The following AP3B2 variants were observed in gnomAD, a reference collection of about 807,000 sequenced individuals.
The protein encoded by AP3B2 is adaptor related protein complex 3 subunit beta 2.
A neutral mutation model predicts 126.9 loss-of-function variants in AP3B2; 50 were observed. The ratio of observed to expected loss-of-function variants is 0.39; its 90% CI spans 0.31 to 0.50. The LOEUF is 0.50. Among genes scored for constraint, AP3B2 ranks in the 20% least tolerant of loss-of-function variants. The pLI is 0.79. For missense variants in AP3B2, 1,177 were observed against 1,426.4 expected (o/e 0.83, Z 2.82); for synonymous variants, 541 against 565.0 (o/e 0.96, Z 0.60).
rs202115109 is a variant in AP3B2, at chr15:82,663,815, A to G, written c.2422T>C (p.Trp808Arg). The G allele has an allele frequency of 2.0e-4, 329 of 1,612,998 alleles. No individual in the cohort carries two copies. The highest frequency in any genetic ancestry group is 2.7e-4 in the Non-Finnish European group (322 of 1,179,396). ...SEEEQLEPAS[W>R]SRKTPPSSKS... ...AAGGCTCTCACTGTTTTCCTGCTCC[A>G]GGAGGCAGGTTCTAACTGCTCCTCC... The change falls in exon 20 of 27, where the codon TGG (tryptophan) becomes CGG (arginine). Residue 808 changes from tryptophan (W) to arginine (R), a missense_variant. Physicochemically the swap from Trp to Arg is moderately radical, Grantham distance 101. This residue lies in a region of AP3B2 where 587 missense variants were observed against 571.3 expected (regional missense o/e 1.03). Coordinates refer to ENST00000535359, the MANE Select transcript of AP3B2 (RefSeq NM_001278512.2).
In AP3B2 at chr15:82,707,329, CT is replaced by C. The variant is rs1452760210; in HGVS notation, c.113+2264del. On this transcript the variant is annotated intron_variant, in intron 1 of 26. Coordinates refer to ENST00000535359, the MANE Select transcript of AP3B2 (RefSeq NM_001278512.2). ...CACTTGCCCTTCTCAGAATTTGGGC[CT>C]GTCCTCGGAATGCTGCAGGGTACAG... is the stretch of plus-strand genomic sequence containing the variant. Among the ~76,000 whole-genome samples the C allele has an allele frequency of 2.6e-5, 4 of 152,224 alleles. No homozygotes were observed. In the East Asian group the frequency reaches 5.8e-4, roughly 22 times the overall value.
intron 1 of AP3B2, chr15:82,708,992 G>A (rs917184990): frequency 6.6e-6 from 1 of 152,258 alleles, no homozygotes; most frequent in East Asian, 1.9e-4. Flanking sequence ...CAGAATTTAC[G>A]AATAAACAAA....
intron 1 of AP3B2, chr15:82,691,848 A>C: frequency 7.6e-7 from 1 of 1,322,690 alleles, no homozygotes; most frequent in Non-Finnish European, 1.1e-6. Context: ...GGATAAACTC[A>C]GATGTAGGAA....
intron 1 of AP3B2, among the ~76,000 whole-genome samples, chr15:82,697,385 T>C (rs978521960): frequency 2.0e-5 from 3 of 152,004 alleles, no homozygotes; most frequent in African/African-American, 4.8e-5. Flanking sequence ...GTCACAGACA[T>C]GCAACATTTA....
chr15:82,677,612 C>A, intron 12 of AP3B2, 59 bp downstream of exon 12: 1 of 1,483,060 alleles, frequency 6.7e-7, no homozygotes, highest in South Asian at 1.4e-5. Context: ...CCAGCAGAGT[C>A]AGACCTGCAG....
chr15:82,670,602 TAAAAG>T (rs1295080212), intron 14 of AP3B2, among the ~76,000 whole-genome samples: 1 of 152,118 alleles, frequency 6.6e-6, no homozygotes, highest in Non-Finnish European at 1.5e-5. Context: ...ATGAAACTAA[TAAAAG>T]AAAACATTAG....
At chr15:82,670,177 T>G (rs923386827) in intron 14 of AP3B2, among the ~76,000 whole-genome samples, 1 of 139,710 alleles carries the variant, frequency 7.2e-6, no homozygotes, top group Non-Finnish European at 1.5e-5. Flanking sequence ...TGGCGCGATC[T>G]TGGCTCACTG....
At position 82,678,745 on chromosome 15, in the gene AP3B2, C is replaced by T. The variant is rs376086595; in HGVS notation, c.1183-578G>A. On this transcript the variant is annotated intron_variant, in intron 10 of 26. Transcript: ENST00000535359. ...ATGCCCTTATAGCTCTCCACACTTT[C>T]TTCCATATTTTGTAAGTGGACTTTT... Among the ~76,000 whole-genome samples, 10 of 152,338 alleles carry T rather than the reference C, an allele frequency of 6.6e-5. No homozygotes were observed. The East Asian group carries it at 1.2e-3, about 18-fold the overall frequency.
intron 14 of AP3B2, among the ~76,000 whole-genome samples, chr15:82,672,100 C>G (rs1424026673): frequency 6.6e-6 from 1 of 152,104 alleles, no homozygotes; most frequent in Admixed American, 6.6e-5. Flanking sequence ...AATCCCAATG[C>G]TATGTATATA....
intron 14 of AP3B2, among the ~76,000 whole-genome samples, chr15:82,668,475 T>C (rs2048095001): frequency 6.6e-6 from 1 of 152,178 alleles, no homozygotes; most frequent in African/African-American, 2.4e-5. Flanking sequence ...CTCTTTTGGT[T>C]TGGACAATGT....
At chr15:82,706,754 T>C (rs1348166535) in intron 1 of AP3B2, among the ~76,000 whole-genome samples, 4 of 152,186 alleles carry the variant, frequency 2.6e-5, no homozygotes, top group East Asian at 3.9e-4. Context: ...ACCTCTTCCA[T>C]GTAGGTTACA....
At chr15:82,684,031 G>A (rs1320785738) in intron 4 of AP3B2, among the ~76,000 whole-genome samples, 1 of 152,218 alleles carries the variant, frequency 6.6e-6, no homozygotes, top group African/African-American at 2.4e-5. Flanking sequence ...ATAGAGCACA[G>A]GCAGAGGAGA....
Position 82,663,913 on chromosome 15 carries a change from TCTC to T in AP3B2, c.2321_2323del (p.Gly774del). On this transcript the variant is annotated inframe_deletion, in exon 20 of 27. Coordinates refer to ENST00000535359, the MANE Select transcript of AP3B2 (RefSeq NM_001278512.2). ...GCTGCCCTCATCAGAGGATGACGCT[TCTC>T]CTTTTCTCTCTGGCACCTTCTTCTT... The T allele has an allele frequency of 2.5e-6, 4 of 1,612,184 alleles. No homozygotes were observed. The highest frequency in any genetic ancestry group is 3.4e-6 in the Non-Finnish European group (4 of 1,179,834).
Position 82,680,148 on chromosome 15 carries a change from G to C in AP3B2, c.1110+27C>G, listed in dbSNP as rs774186050. ...CCCGCAGAAGCGGCCCTCGGACAGCGAGGACAGCCCGCCGTCGCAGGCTCA... is the reference window on the plus strand; with the variant it reads ...CCCGCAGAAGCGGCCCTCGGACAGCCAGGACAGCCCGCCGTCGCAGGCTCA... On this transcript the variant is annotated intron_variant, in intron 9 of 26. Transcript: ENST00000535359. This position sits in a 1 kb window ranked among gnomAD's most constrained non-coding sequence, Gnocchi z 6.1. 1 of 1,612,518 alleles carries C rather than the reference G, an allele frequency of 6.2e-7. No homozygotes were observed. Among genetic ancestry groups the C allele is most frequent in the Admixed American group, 1.7e-5 (1 of 59,976 alleles).
rs191725488 is a variant in AP3B2 at position 82,665,157 on chromosome 15, T to C, written c.2028+90A>G. On this transcript the variant is annotated intron_variant, in intron 17 of 26. Transcript: ENST00000535359. This position sits in a 1 kb window ranked among gnomAD's most constrained non-coding sequence, Gnocchi z 4.4. ...CTGCCAAACCAAGGTGGAAACAGAG[T>C]ATGGGAAGGCCCAGGAGCACAACAC... The C allele has an allele frequency of 5.0e-6, 7 of 1,406,342 alleles. No individual in the cohort carries two copies. The Admixed American group carries it at 1.4e-4, about 28-fold the overall frequency. The allele number at this position is 1,406,342 out of a possible 1,614,324, so 87.1% of individuals were successfully genotyped here. A position where few individuals can be genotyped will look rare whatever the true frequency, so the allele number is the denominator to read the frequency against.
At chr15:82,689,263 G>A (rs1442046070) in intron 2 of AP3B2, 31 bp from the exon 3 acceptor site, 1 of 1,613,468 alleles carries the variant, frequency 6.2e-7, no homozygotes, top group South Asian at 1.1e-5. Flanking sequence ...AGGGGAAGAG[G>A]GACAAAGCGA....
intron 1 of AP3B2, chr15:82,692,125 A>G (rs2048545860): frequency 1.3e-6 from 2 of 1,495,302 alleles, no homozygotes; most frequent in Admixed American, 3.6e-5. Flanking sequence ...TAAGTCCTGG[A>G]GAACTCCACA....
Position 82,680,771 on chromosome 15 carries a change from G to A in AP3B2, c.772-16C>T. ...GTAGGGATTCCTGGACGGGGAGACCGACGGGTCTGTGGGCGCCTCCCCGGG... is the reference window on the plus strand; with the variant it reads ...GTAGGGATTCCTGGACGGGGAGACCAACGGGTCTGTGGGCGCCTCCCCGGG... On this transcript the variant is annotated splice_polypyrimidine_tract_variant and intron_variant, in intron 7 of 26. Transcript: ENST00000535359. This position sits in a 1 kb window ranked among gnomAD's most constrained non-coding sequence, Gnocchi z 6.1. The A allele has an allele frequency of 6.3e-7, 1 of 1,597,612 alleles. No individual in the cohort carries two copies. Among genetic ancestry groups the A allele is most frequent in the Non-Finnish European group, 8.5e-7 (1 of 1,172,592 alleles).
Position 82,662,778 on chromosome 15 carries a change from T to C in AP3B2, c.2749A>G (p.Ser917Gly), listed in dbSNP as rs1257261195. The C allele has an allele frequency of 6.2e-7, 1 of 1,613,850 alleles. No individual in the cohort carries two copies. Among genetic ancestry groups the C allele is most frequent in the Non-Finnish European group, 8.5e-7 (1 of 1,179,832 alleles). The change falls in exon 23 of 27, where the codon AGC becomes GGC. Residue 917 changes from serine (S) to glycine (G), a missense_variant. Around this residue, in one of 5 missense-constraint regions of AP3B2, gnomAD observed 587 missense variants for 571.3 expected, o/e 1.03. Coordinates refer to ENST00000535359, the MANE Select transcript of AP3B2 (RefSeq NM_001278512.2). The part of the protein sequence containing the change: ...MVSVHIHFSN[S>G]SDTPIKGLHV... Reference sequence around the variant, plus strand: ...AGGCCCTTGATGGGGGTATCAGAGCTGTTGGAGAAGTGGATGTGCACGGAC... The same window carrying C: ...AGGCCCTTGATGGGGGTATCAGAGCCGTTGGAGAAGTGGATGTGCACGGAC...
Sources: gnomAD v4.1 joint callset for allele counts (sites outside exome capture counted in the v4.1 genomes callset) on GRCh38, gnomAD v4.1.1 for gene constraint, gnomAD v4.1.1 regional missense constraint, Gnocchi (gnomAD v3.1) non-coding constraint, MANE v1.5 for transcripts, NCBI Gene and HGNC (gene_info 2026-07-23, HGNC 2026-07-21) for gene names.